Variants in RNMT observed in about 807,000 individuals in gnomAD.
RNMT encodes mRNA cap guanine-N(7) methyltransferase.
Under a neutral mutation model 56.0 loss-of-function variants are expected in RNMT, and 27 were observed. The observed-to-expected ratio is 0.48, with a 90% CI of 0.36 to 0.67. The LOEUF (loss-of-function observed/expected upper bound fraction) is 0.67. Among genes scored for constraint, RNMT ranks in the 30% least tolerant of loss-of-function variants. The pLI, the probability that RNMT is intolerant of heterozygous loss-of-function variation, is 0.00. For missense variants in RNMT, 519 were observed against 552.1 expected, an observed-to-expected ratio of 0.94 and a Z score of 0.60; for synonymous variants, 184 against 176.2, an observed-to-expected ratio of 1.04 and a Z score of -0.35.
At position 13,762,801 on chromosome 18, in the gene RNMT, T is replaced by G. The variant is rs2044636185; in HGVS notation, c.*2822T>G. ...TTTGGGAATTTCTTTTTCAGCCTGT[T>G]TTTTAGCTTAGTGCCATTATGTCAT... On this transcript the variant is annotated 3_prime_UTR_variant, in exon 12 of 12. Transcript: ENST00000383314. The G allele has an allele frequency of 3.6e-6, 1 of 274,166 alleles. No homozygotes were observed. Among genetic ancestry groups the G allele is most frequent in the African/African-American group, 2.2e-5 (1 of 45,702 alleles). 17.0% of individuals were successfully genotyped at this position (274,166 alleles called of 1,614,324 possible). A position where few individuals can be genotyped will look rare whatever the true frequency, so the allele number is the denominator to read the frequency against.
intron 1 of RNMT, among the ~76,000 whole-genome samples, chr18:13,729,182 G>A (rs927960191): frequency 1.1e-4 from 17 of 152,256 alleles, no homozygotes; most frequent in Admixed American, 7.2e-4. Flanking sequence ...TCCCAGCACC[G>A]TTTTTTGAAG....
At chr18:13,759,264 A>C (rs2044591071) in intron 11 of RNMT, among the ~76,000 whole-genome samples, 1 of 152,234 alleles carries the variant, frequency 6.6e-6, no homozygotes, top group African/African-American at 2.4e-5. Flanking sequence ...CAATTTGTAA[A>C]GCTAAATAAA....
rs202093575 is a variant in RNMT, at chr18:13,740,232, A to G, written c.745A>G (p.Ser249Gly). 111 of 1,611,768 alleles carry G rather than the reference A, an allele frequency of 6.9e-5. No homozygotes were observed. The highest frequency in any genetic ancestry group is 8.5e-6 in the Non-Finnish European group (10 of 1,177,962). ...TGAGGACATGAAAAATCGTCGTGAT[A>G]GTGAATATATTTTCAGTGCAGAATT... ...RYEDMKNRRD[S>G]EYIFSAEFIT... Residue 249 changes from serine to glycine, a missense_variant, in exon 6 of 12, where the codon AGT becomes GGT. By Grantham distance (56) the Ser-to-Gly change is moderately conservative. Transcript: ENST00000383314.
intron 4 of RNMT, 38 bp from the exon 5 acceptor site, chr18:13,736,972 G>A: frequency 6.3e-7 from 1 of 1,586,730 alleles, no homozygotes; most frequent in Non-Finnish European, 8.6e-7. Flanking sequence ...TAAAATTGAA[G>A]AAGAGGTAGT....
Position 13,731,661 on chromosome 18 carries a change from T to C in RNMT, c.144T>C (p.Ser48=). ...ASGTGLSEKT[S]VCRQVDIARK... is the part of the protein sequence containing the mutation. ...GGACTGGGCTTTCTGAAAAGACTTC[T>C]GTCTGTAGGCAAGTAGACATAGCAA... The change falls in exon 3 of 12, where the codon TCT becomes TCC. Residue 48 remains serine, a synonymous_variant. Coordinates refer to ENST00000383314, the MANE Select transcript of RNMT (RefSeq NM_003799.3). 1.9e-6 allele frequency: 3 copies of C among 1,614,134 alleles called. No individual in the cohort carries two copies. The highest frequency in any genetic ancestry group is 1.7e-6 in the Non-Finnish European group (2 of 1,180,016).
At chr18:13,756,495 G>A (rs2044545825) in intron 11 of RNMT, among the ~76,000 whole-genome samples, 1 of 152,120 alleles carries the variant, frequency 6.6e-6, no homozygotes, top group South Asian at 2.1e-4. Flanking sequence ...AGTGATACTG[G>A]CCAGCTGTGA....
chr18:13,763,482 T>G lies in RNMT; in HGVS notation c.*3503T>G, dbSNP rs2044643674. 2 of 184,828 alleles carry G rather than the reference T, an allele frequency of 1.1e-5. No individual in the cohort carries two copies. The highest frequency in any genetic ancestry group is 4.6e-5 in the African/African-American group (2 of 43,300). The allele number at this position is 184,828 out of a possible 1,614,324, so 11.4% of individuals were successfully genotyped here. A position where few individuals can be genotyped will look rare whatever the true frequency, so the allele number is the denominator to read the frequency against. ...TGGCTGTGGAGACTTGAGCAAGCCC[T>G]AAAGTCCCCTGCTCCCTGGACTTCT... On this transcript the variant is annotated 3_prime_UTR_variant, in exon 12 of 12. Coordinates refer to ENST00000383314, the MANE Select transcript of RNMT (RefSeq NM_003799.3).
chr18:13,757,588 C>T (rs1332845560), intron 11 of RNMT, among the ~76,000 whole-genome samples: 1 of 152,224 alleles, frequency 6.6e-6, no homozygotes, highest in Non-Finnish European at 1.5e-5. Flanking sequence ...TCAGTCACAT[C>T]TGCAGGCTCC....
intron 10 of RNMT, among the ~76,000 whole-genome samples, chr18:13,753,630 G>A (rs1158673741): frequency 1.3e-5 from 2 of 150,232 alleles, no homozygotes; most frequent in African/African-American, 2.5e-5. Context: ...AGTTAGCTAG[G>A]CGTGGTGGCG....
intron 8 of RNMT, among the ~76,000 whole-genome samples, chr18:13,745,064 G>A (rs550897593): frequency 8.1e-4 from 124 of 152,346 alleles, no homozygotes; most frequent in African/African-American, 2.9e-3. Flanking sequence ...GCGTGTGTGA[G>A]GGCCCAGCAG....
In RNMT at chr18:13,731,851, G is replaced by A; in HGVS notation, c.334G>A (p.Val112Ile). ...SKKRKRETED[V>I]PKDKSSTGDG... ...GAAAAGAAAAAGAGAAACTGAGGAT[G>A]TTCCAAAAGATAAATCTTCTACTGG... is the stretch of plus-strand genomic sequence containing the variant. Residue 112 changes from valine to isoleucine, a missense_variant, in exon 3 of 12, where the codon GTT becomes ATT. Coordinates refer to ENST00000383314, the MANE Select transcript of RNMT (RefSeq NM_003799.3). The A allele has an allele frequency of 1.9e-6, 3 of 1,612,812 alleles. No individual in the cohort carries two copies. The highest frequency in any genetic ancestry group is 2.5e-6 in the Non-Finnish European group (3 of 1,179,722).
intron 5 of RNMT, among the ~76,000 whole-genome samples, chr18:13,738,270 T>C (rs2149089219): frequency 6.6e-6 from 1 of 152,268 alleles, no homozygotes; most frequent in East Asian, 1.9e-4. Flanking sequence ...AGCTGAGAAT[T>C]TTGAAAATAT....
intron 8 of RNMT, 45 bp from the exon 9 acceptor site, chr18:13,746,175 A>G: frequency 1.0e-6 from 1 of 999,776 alleles, no homozygotes; most frequent in Non-Finnish European, 1.5e-6. Context: ...TTGAGGAATT[A>G]CAAACATGTG....
At chr18:13,756,044 G>A (rs1000050802) in intron 11 of RNMT, among the ~76,000 whole-genome samples, 9 of 152,158 alleles carry the variant, frequency 5.9e-5, no homozygotes. Flanking sequence ...AGAGGGCTTC[G>A]TGGGTTGAGC....
intron 9 of RNMT, among the ~76,000 whole-genome samples, chr18:13,746,983 A>C (rs764672097): frequency 6.6e-6 from 1 of 152,334 alleles, no homozygotes; most frequent in African/African-American, 2.4e-5. Flanking sequence ...TCAATTACAC[A>C]GCCATTGATT....
At chr18:13,748,504 C>T (rs1041461089) in intron 9 of RNMT, among the ~76,000 whole-genome samples, 3 of 152,152 alleles carry the variant, frequency 2.0e-5, no homozygotes, top group African/African-American at 7.2e-5. Flanking sequence ...GATGCCACTG[C>T]TTTCGACCAG....
chr18:13,744,004 CTTTA>C (rs893846801), intron 8 of RNMT, among the ~76,000 whole-genome samples: 1 of 151,634 alleles, frequency 6.6e-6, no homozygotes, highest in Non-Finnish European at 1.5e-5. Flanking sequence ...TGCTCTTCAA[CTTTA>C]TTTAAAAAAG....
intron 10 of RNMT, among the ~76,000 whole-genome samples, chr18:13,753,462 C>T (rs1422259948): frequency 6.7e-6 from 1 of 149,532 alleles, no homozygotes; most frequent in Non-Finnish European, 1.5e-5. Context: ...CAGACTCTGT[C>T]TCAAAAAAAA....
intron 5 of RNMT, among the ~76,000 whole-genome samples, chr18:13,737,387 C>G (rs768331925): frequency 1.1e-4 from 16 of 151,850 alleles, no homozygotes; most frequent in Non-Finnish European, 2.2e-4. Flanking sequence ...ACTAAAAATA[C>G]AGAAAATTAG....
Sources: gnomAD v4.1 joint callset for allele counts (sites outside exome capture counted in the v4.1 genomes callset) on GRCh38, gnomAD v4.1.1 for gene constraint, MANE v1.5 for transcripts, NCBI Gene and HGNC (gene_info 2026-07-23, HGNC 2026-07-21) for gene names.